FOXB2: variants seen among roughly 807,000 people sequenced by gnomAD.
FOXB2 encodes the protein forkhead box B2, also known as forkhead box protein B2.
In FOXB2, 1 loss-of-function variant was observed where a neutral mutation model predicts 0.9. The ratio of observed to expected loss-of-function variants is 1.09; its 90% CI spans 0.39 to 5.18. FOXB2 has a LOEUF of 5.18. Among genes scored for constraint, FOXB2 ranks in the 30% most tolerant of loss-of-function variants. The probability of loss-of-function intolerance (pLI) is 0.16; values close to 1 mark genes in which losing one functional copy is unlikely to be tolerated. For missense variants in FOXB2, 670 were observed against 626.6 expected (o/e 1.07, Z -0.74); for synonymous variants, 322 against 293.5 (o/e 1.10, Z -0.99).
Position 77,019,804 on chromosome 9 carries a change from C to T in FOXB2, c.150C>T (p.Tyr50=). The T allele has an allele frequency of 3.7e-6, 6 of 1,614,164 alleles. No homozygotes were observed. Among genetic ancestry groups the T allele is most frequent in the Non-Finnish European group, 5.1e-6 (6 of 1,180,040 alleles). The change falls in exon 1 of 1, where the codon TAC becomes TAT. Residue 50 remains tyrosine, a synonymous_variant. Transcript: ENST00000376708. This position sits in a 1 kb window ranked among gnomAD's most constrained non-coding sequence, Gnocchi z 4.4. ...YKFIMERFPY[Y]REHTQRWQNS... is the part of the protein sequence containing the mutation. ...TCATCATGGAGCGCTTCCCCTACTA[C>T]CGCGAGCACACACAGCGCTGGCAGA...
chr9:77,020,214 C>A lies in FOXB2; in HGVS notation c.560C>A (p.Ala187Asp). 8.4e-7 allele frequency: 1 copy of A among 1,184,420 alleles called. No homozygotes were observed. Among genetic ancestry groups the A allele is most frequent in the Non-Finnish European group, 1.2e-6 (1 of 802,178 alleles). 73.4% of individuals were successfully genotyped at this position (1,184,420 alleles called of 1,614,324 possible). A position where few individuals can be genotyped will look rare whatever the true frequency, so the allele number is the denominator to read the frequency against. ...TATTTCCATCAGCAACCGCCTACTGCTCCGCAGCCGCCTCCGCACCTCCCG... is the reference window on the plus strand; with the variant it reads ...TATTTCCATCAGCAACCGCCTACTGATCCGCAGCCGCCTCCGCACCTCCCG... ...VHYFHQQPPT[A>D]PQPPPHLPSQ... The change falls in exon 1 of 1, where the codon GCT (alanine) becomes GAT (aspartate). Residue 187 changes from alanine (A) to aspartate (D), a missense_variant. Coordinates refer to ENST00000376708, the MANE Select transcript of FOXB2 (RefSeq NM_001013735.1). The surrounding 1 kb of genome is among the most constrained non-coding windows in gnomAD (Gnocchi z 4.9).
Position 77,020,263 on chromosome 9 carries a change from C to G in FOXB2, c.609C>G (p.Pro203=), listed in dbSNP as rs1179369263. The change falls in exon 1 of 1, where the codon CCC becomes CCG. Residue 203 remains proline (P), a synonymous_variant. Transcript: ENST00000376708. The surrounding 1 kb of genome is among the most constrained non-coding windows in gnomAD (Gnocchi z 4.9). ...HLPSQPPQQP[P]QQSQPQQPSH... is the part of the protein sequence containing the mutation. ...CGTCACAGCCCCCGCAGCAACCGCC[C>G]CAGCAGTCGCAGCCTCAGCAGCCGT... is the stretch of plus-strand genomic sequence containing the variant. 7.5e-7 allele frequency: 1 copy of G among 1,334,444 alleles called. No homozygotes were observed. Among genetic ancestry groups the G allele is most frequent in the Non-Finnish European group, 1.1e-6 (1 of 940,162 alleles). The allele number at this position is 1,334,444 out of a possible 1,614,324, so 82.7% of individuals were successfully genotyped here. A position where few individuals can be genotyped will look rare whatever the true frequency, so the allele number is the denominator to read the frequency against.
chr9:77,019,791 G>A lies in FOXB2; in HGVS notation c.137G>A (p.Arg46His). Reference sequence around the variant, plus strand: ...GACATCTACAAGTTCATCATGGAGCGCTTCCCCTACTACCGCGAGCACACA... The same window carrying A: ...GACATCTACAAGTTCATCATGGAGCACTTCCCCTACTACCGCGAGCACACA... ...LSDIYKFIMERFPYYREHTQR... is the reference protein window; with the variant it reads ...LSDIYKFIMEHFPYYREHTQR... The change falls in exon 1 of 1, where the codon CGC (arginine) becomes CAC (histidine). Residue 46 changes from arginine (R) to histidine (H), a missense_variant. By Grantham distance (29) the Arg-to-His change is conservative. Transcript: ENST00000376708. The surrounding 1 kb of genome is among the most constrained non-coding windows in gnomAD (Gnocchi z 4.4). The A allele has an allele frequency of 6.2e-7, 1 of 1,614,116 alleles. No individual in the cohort carries two copies. Among genetic ancestry groups the A allele is most frequent in the African/African-American group, 1.3e-5 (1 of 75,042 alleles).
At position 77,020,005 on chromosome 9, in the gene FOXB2, T is replaced by C; in HGVS notation, c.351T>C (p.Thr117=). 1 of 1,610,884 alleles carries C rather than the reference T, an allele frequency of 6.2e-7. No individual in the cohort carries two copies. The highest frequency in any genetic ancestry group is 8.5e-7 in the Non-Finnish European group (1 of 1,179,292). ...TCAAGGTGCTGCGCGCCGACCATAC[T>C]CACTTGCACGCGGGAAGCACCAAGA... ...KRFKVLRADH[T]HLHAGSTKSA... The change falls in exon 1 of 1, where the codon ACT becomes ACC. Residue 117 remains threonine (T), a synonymous_variant. Coordinates refer to ENST00000376708, the MANE Select transcript of FOXB2 (RefSeq NM_001013735.1). This position sits in a 1 kb window ranked among gnomAD's most constrained non-coding sequence, Gnocchi z 4.9.
At position 77,019,936 on chromosome 9, in the gene FOXB2, G is replaced by C. The variant is rs200633122; in HGVS notation, c.282G>C (p.Gly94=). 34 of 1,613,364 alleles carry C rather than the reference G, an allele frequency of 2.1e-5. No individual in the cohort carries two copies. The highest frequency in any genetic ancestry group is 2.9e-5 in the Non-Finnish European group (34 of 1,180,020). Residue 94 remains glycine, a synonymous_variant, in exon 1 of 1, where the codon GGG becomes GGC. Transcript: ENST00000376708. The surrounding 1 kb of genome is among the most constrained non-coding windows in gnomAD (Gnocchi z 4.4). ...TCTGGGCGCTGCACCCCGACTGCGG[G>C]GACATGTTCGAGAACGGCAGCTTCC... ...GSFWALHPDC[G]DMFENGSFLR...
rs377563087 is a variant in FOXB2, at chr9:77,020,688, G to A, written c.1034G>A (p.Gly345Glu). ...GTAGGCCCGGAGTATGGGGCCTTCG[G>A]GGTCCCGGTCAAGTCCCTGTGCCAC... ...VPVGPEYGAFGVPVKSLCHSA... is the reference protein window; with the variant it reads ...VPVGPEYGAFEVPVKSLCHSA... The change falls in exon 1 of 1, where the codon GGG becomes GAG. Residue 345 changes from glycine (G) to glutamate (E), a missense_variant. By Grantham distance (98) the Gly-to-Glu change is moderately conservative. Transcript: ENST00000376708. This position sits in a 1 kb window ranked among gnomAD's most constrained non-coding sequence, Gnocchi z 4.9. 40 of 1,603,036 alleles carry A rather than the reference G, an allele frequency of 2.5e-5. No homozygotes were observed. In the African/African-American group the frequency reaches 4.7e-4, roughly 19 times the overall value.
Position 77,019,714 on chromosome 9 carries a change from G to T in FOXB2, c.60G>T (p.Ser20=), listed in dbSNP as rs1432108937. ...AAAAACCGCCCTACTCTTACATCTC[G>T]CTGACCGCCATGGCAATCCAGCACT... ...SDQKPPYSYI[S]LTAMAIQHSA... The change falls in exon 1 of 1, where the codon TCG becomes TCT. Residue 20 remains serine, a synonymous_variant. Coordinates refer to ENST00000376708, the MANE Select transcript of FOXB2 (RefSeq NM_001013735.1). The surrounding 1 kb of genome is among the most constrained non-coding windows in gnomAD (Gnocchi z 4.4). 1 of 1,613,064 alleles carries T rather than the reference G, an allele frequency of 6.2e-7. No homozygotes were observed.
chr9:77,020,741 C>T lies in FOXB2; in HGVS notation c.1087C>T (p.Pro363Ser), dbSNP rs867456879. ...HSASQSLPAMPVPIKPTPALP... is the reference protein window; with the variant it reads ...HSASQSLPAMSVPIKPTPALP... ...GGCAAGCCAGAGCCTGCCTGCCATG[C>T]CGGTGCCCATCAAGCCCACGCCTGC... Residue 363 changes from proline (P) to serine (S), a missense_variant, in exon 1 of 1, where the codon CCG (proline) becomes TCG (serine). Physicochemically the swap from Pro to Ser is moderately conservative, Grantham distance 74 (BLOSUM62 -1). Coordinates refer to ENST00000376708, the MANE Select transcript of FOXB2 (RefSeq NM_001013735.1). This position sits in a 1 kb window ranked among gnomAD's most constrained non-coding sequence, Gnocchi z 4.9. The T allele has an allele frequency of 2.5e-6, 4 of 1,595,884 alleles. No individual in the cohort carries two copies. Among genetic ancestry groups the T allele is most frequent in the South Asian group, 1.1e-5 (1 of 89,108 alleles).
Position 77,019,935 on chromosome 9 carries a change from GGGACAT to G in FOXB2, c.283_288del (p.Asp95_Met96del). 1.2e-6 allele frequency: 2 copies of G among 1,613,538 alleles called. No individual in the cohort carries two copies. Among genetic ancestry groups the G allele is most frequent in the Non-Finnish European group, 8.5e-7 (1 of 1,180,014 alleles). ...TTCTGGGCGCTGCACCCCGACTGCG[GGGACAT>G]GTTCGAGAACGGCAGCTTCCTGCGG... On this transcript the variant is annotated inframe_deletion, in exon 1 of 1. Coordinates refer to ENST00000376708, the MANE Select transcript of FOXB2 (RefSeq NM_001013735.1). This position sits in a 1 kb window ranked among gnomAD's most constrained non-coding sequence, Gnocchi z 4.4.
rs2063914248 is a variant in FOXB2 at position 77,020,636 on chromosome 9, G to T, written c.982G>T (p.Ala328Ser). The change falls in exon 1 of 1, where the codon GCC becomes TCC. Residue 328 changes from alanine to serine, a missense_variant. Physicochemically the swap from Ala to Ser is moderately conservative, Grantham distance 99 (BLOSUM62 1). Transcript: ENST00000376708. The surrounding 1 kb of genome is among the most constrained non-coding windows in gnomAD (Gnocchi z 4.9). ...CATGGATTCGGTGGCCGCCGCCGCG[G>T]CCGCCGCAGCCGCAGCCGGAGTCCC... Reference protein sequence around the residue: ...GVMDSVAAAAAAAAAAGVPVG... With the variant: ...GVMDSVAAAASAAAAAGVPVG... 6.3e-7 allele frequency: 1 copy of T among 1,591,076 alleles called. No individual in the cohort carries two copies. The highest frequency in any genetic ancestry group is 1.3e-5 in the African/African-American group (1 of 74,114).
rs1178959183 is a variant in FOXB2 at position 77,019,846 on chromosome 9, C to A, written c.192C>A (p.Asn64Lys). 1 of 1,614,132 alleles carries A rather than the reference C, an allele frequency of 6.2e-7. No individual in the cohort carries two copies. The highest frequency in any genetic ancestry group is 8.5e-7 in the Non-Finnish European group (1 of 1,180,038). ...GCTGGCAGAACAGCCTGCGCCACAA[C>A]CTCTCCTTCAACGACTGCTTCATCA... ...TQRWQNSLRH[N>K]LSFNDCFIKI... The change falls in exon 1 of 1, where the codon AAC becomes AAA. Residue 64 changes from asparagine to lysine, a missense_variant. Coordinates refer to ENST00000376708, the MANE Select transcript of FOXB2 (RefSeq NM_001013735.1). This position sits in a 1 kb window ranked among gnomAD's most constrained non-coding sequence, Gnocchi z 4.4.
chr9:77,020,908 C>A lies in FOXB2; in HGVS notation c.1254C>A (p.Ala418=). ...TGGAGCCCACAGCCCCTACCTCGGCCGAAAGCAAGGGCGGCTCCTTGCACT... is the reference window on the plus strand; with the variant it reads ...TGGAGCCCACAGCCCCTACCTCGGCAGAAAGCAAGGGCGGCTCCTTGCACT... ...SLLEPTAPTS[A]ESKGGSLHSV... is the part of the protein sequence containing the mutation. Residue 418 remains alanine, a synonymous_variant, in exon 1 of 1, where the codon GCC becomes GCA. Transcript: ENST00000376708. The surrounding 1 kb of genome is among the most constrained non-coding windows in gnomAD (Gnocchi z 4.9). 6.4e-7 allele frequency: 1 copy of A among 1,569,742 alleles called. No homozygotes were observed. Among genetic ancestry groups the A allele is most frequent in the Non-Finnish European group, 8.6e-7 (1 of 1,165,526 alleles).
Position 77,020,784 on chromosome 9 carries a change from C to A in FOXB2, c.1130C>A (p.Ala377Glu), listed in dbSNP as rs781549912. 5 of 1,574,430 alleles carry A rather than the reference C, an allele frequency of 3.2e-6. No individual in the cohort carries two copies. Among genetic ancestry groups the A allele is most frequent in the Non-Finnish European group, 3.4e-6 (4 of 1,165,894 alleles). The change falls in exon 1 of 1, where the codon GCG (alanine) becomes GAG (glutamate). Residue 377 changes from alanine to glutamate, a missense_variant. Physicochemically the swap from Ala to Glu is moderately radical, Grantham distance 107. Transcript: ENST00000376708. This position sits in a 1 kb window ranked among gnomAD's most constrained non-coding sequence, Gnocchi z 4.9. The stretch of plus-strand genomic sequence containing the variant: ...ACGCCTGCGCTGCCGCCCGTGTCCG[C>A]GCTGCAGCCGGGGCTCACTGTCCCC... ...KPTPALPPVS[A>E]LQPGLTVPAA...
In FOXB2 at chr9:77,020,046, G is replaced by A; in HGVS notation, c.392G>A (p.Gly131Asp). ...AGCACCAAGAGCGCGCCGGGCGCCG[G>A]TCCGGGAGGGCACCTTCACCCCCAT... ...AGSTKSAPGA[G>D]PGGHLHPHHH... Residue 131 changes from glycine (G) to aspartate (D), a missense_variant, in exon 1 of 1, where the codon GGT becomes GAT. Gly to Asp is a moderately conservative substitution (Grantham distance 94, BLOSUM62 -1). Coordinates refer to ENST00000376708, the MANE Select transcript of FOXB2 (RefSeq NM_001013735.1). This position sits in a 1 kb window ranked among gnomAD's most constrained non-coding sequence, Gnocchi z 4.9. 6.2e-7 allele frequency: 1 copy of A among 1,604,172 alleles called. No homozygotes were observed.
In FOXB2 at chr9:77,020,322, TGGCGGCGGC is replaced by T. The variant is rs750048680; in HGVS notation, c.681_689del (p.Ala232_Ala234del). The T allele has an allele frequency of 1.4e-4, 149 of 1,068,988 alleles. 6 individuals are homozygous for T. In the East Asian group the frequency reaches 1.8e-3, roughly 13 times the overall value. 66.2% of individuals were successfully genotyped at this position (1,068,988 alleles called of 1,614,324 possible). A position where few individuals can be genotyped will look rare whatever the true frequency, so the allele number is the denominator to read the frequency against. On this transcript the variant is annotated inframe_deletion, in exon 1 of 1. Coordinates refer to ENST00000376708, the MANE Select transcript of FOXB2 (RefSeq NM_001013735.1). The surrounding 1 kb of genome is among the most constrained non-coding windows in gnomAD (Gnocchi z 4.9). The stretch of plus-strand genomic sequence containing the variant: ...GGCAAGATGCAGGAGGCGGCGGCCG[TGGCGGCGGC>T]GGCGGCGGCGGCCGCGGCAGCCGCG...
chr9:77,020,151 C>G lies in FOXB2; in HGVS notation c.497C>G (p.Pro166Arg). Residue 166 changes from proline (P) to arginine (R), a missense_variant, in exon 1 of 1, where the codon CCG becomes CGG. Physicochemically the swap from Pro to Arg is moderately radical, Grantham distance 103 (BLOSUM62 -2). Transcript: ENST00000376708. The surrounding 1 kb of genome is among the most constrained non-coding windows in gnomAD (Gnocchi z 4.9). The stretch of plus-strand genomic sequence containing the variant: ...CATCACCACCACCCACCCCAGCCGC[C>G]GCCGCCGCCGCCCCCGCCGCCGCCG... ...HHHHHHPPQP[P>R]PPPPPPPPHM... 2 of 1,338,624 alleles carry G rather than the reference C, an allele frequency of 1.5e-6. No individual in the cohort carries two copies. Among genetic ancestry groups the G allele is most frequent in the Non-Finnish European group, 2.1e-6 (2 of 952,062 alleles). 82.9% of individuals were successfully genotyped at this position (1,338,624 alleles called of 1,614,324 possible).
rs764601545 is a variant in FOXB2, at chr9:77,020,065, C to A, written c.411C>A (p.His137Gln). ...APGAGPGGHL[H>Q]PHHHHHPHHH... The stretch of plus-strand genomic sequence containing the variant: ...GCGCCGGTCCGGGAGGGCACCTTCA[C>A]CCCCATCACCACCACCACCCCCACC... Residue 137 changes from histidine (H) to glutamine (Q), a missense_variant, in exon 1 of 1, where the codon CAC (histidine) becomes CAA (glutamine). By Grantham distance (24) the His-to-Gln change is conservative (BLOSUM62 0). Coordinates refer to ENST00000376708, the MANE Select transcript of FOXB2 (RefSeq NM_001013735.1). The surrounding 1 kb of genome is among the most constrained non-coding windows in gnomAD (Gnocchi z 4.9). The A allele has an allele frequency of 8.9e-6, 14 of 1,576,936 alleles. No homozygotes were observed. Among genetic ancestry groups the A allele is most frequent in the Admixed American group, 7.2e-5 (4 of 55,668 alleles).
rs1002597769 is a variant in FOXB2 at position 77,020,857 on chromosome 9, C to T, written c.1203C>T (p.Ala401=). The T allele has an allele frequency of 4.6e-5, 71 of 1,548,506 alleles. No individual in the cohort carries two copies. The highest frequency in any genetic ancestry group is 6.0e-5 in the Non-Finnish European group (69 of 1,153,614). ...PPAPSTVCSA[A]AASPVASLLE... ...CGCCATCCACCGTGTGCTCCGCGGC[C>T]GCGGCCTCGCCCGTTGCCTCTCTGC... is the stretch of plus-strand genomic sequence containing the variant. Residue 401 remains alanine, a synonymous_variant, in exon 1 of 1, where the codon GCC becomes GCT. Transcript: ENST00000376708. The surrounding 1 kb of genome is among the most constrained non-coding windows in gnomAD (Gnocchi z 4.9).
In FOXB2 at chr9:77,019,713, C is replaced by G. The variant is rs560659885; in HGVS notation, c.59C>G (p.Ser20Trp). ...SDQKPPYSYI[S>W]LTAMAIQHSA... ...CAAAAACCGCCCTACTCTTACATCT[C>G]GCTGACCGCCATGGCAATCCAGCAC... is the stretch of plus-strand genomic sequence containing the variant. The change falls in exon 1 of 1, where the codon TCG (serine) becomes TGG (tryptophan). Residue 20 changes from serine to tryptophan, a missense_variant. Ser to Trp is a radical substitution (Grantham distance 177, BLOSUM62 -3). Transcript: ENST00000376708. This position sits in a 1 kb window ranked among gnomAD's most constrained non-coding sequence, Gnocchi z 4.4. The G allele has an allele frequency of 1.2e-6, 2 of 1,613,106 alleles. No homozygotes were observed. Among genetic ancestry groups the G allele is most frequent in the Admixed American group, 1.7e-5 (1 of 59,860 alleles).
Sources: gnomAD v4.1 joint callset for allele counts on GRCh38, gnomAD v4.1.1 for gene constraint, Gnocchi (gnomAD v3.1) non-coding constraint, MANE v1.5 for transcripts, NCBI Gene and HGNC (gene_info 2026-07-23, HGNC 2026-07-21) for gene names.